CTNNA3: variants seen among roughly 807,000 people sequenced by gnomAD.
CTNNA3 encodes catenin alpha 3, also known as catenin alpha-3.
CTNNA3 carries 76 observed loss-of-function variants against 95.7 expected under a neutral mutation model. That is an observed-to-expected ratio of 0.79 (90% CI 0.66 to 0.96). The LOEUF is 0.96. Among genes scored for constraint, CTNNA3 ranks in the 40% least tolerant of loss-of-function variants. The pLI is 0.00. For missense variants in CTNNA3, 1,191 were observed against 1,089.8 expected, an observed-to-expected ratio of 1.09 and a Z score of -1.31; for synonymous variants, 431 against 374.4, an observed-to-expected ratio of 1.15 and a Z score of -1.74.
At chr10:66,741,554 T>C (rs1234869478) in intron 9 of CTNNA3, among the ~76,000 whole-genome samples, 2 of 152,262 alleles carry the variant, frequency 1.3e-5, no homozygotes, top group East Asian at 3.9e-4. Context: ...GATAAACTAA[T>C]ACAATTCACT....
chr10:67,753,509 A>G lies in CTNNA3; in HGVS notation c.-2+9925T>C, dbSNP rs544753473. ...GAGCTTCTGCACAGCAAAAGAAACT[A>G]TCATCACAGTGAACAGACAACCTAT... is the stretch of plus-strand genomic sequence containing the variant. On this transcript the variant is annotated intron_variant, in intron 1 of 17. Transcript: ENST00000684154. 6.6e-5 allele frequency among the ~76,000 whole-genome samples: 10 copies of G among 152,334 alleles called. No homozygotes were observed. The South Asian group carries it at 1.9e-3, about 28-fold the overall frequency.
chr10:66,738,265 T>A (rs1849212571), intron 9 of CTNNA3, among the ~76,000 whole-genome samples: 1 of 152,242 alleles, frequency 6.6e-6, no homozygotes, highest in Non-Finnish European at 1.5e-5. Context: ...TTGATTGATC[T>A]GCATTCTTAA....
intron 11 of CTNNA3, among the ~76,000 whole-genome samples, chr10:66,457,133 C>T (rs2093500007): frequency 6.6e-6 from 1 of 152,058 alleles, no homozygotes; most frequent in Non-Finnish European, 1.5e-5. Flanking sequence ...AAAACCTTTA[C>T]AACTTGGTGT....
At chr10:66,477,950 C>A (rs1364652921) in intron 11 of CTNNA3, among the ~76,000 whole-genome samples, 1 of 152,050 alleles carries the variant, frequency 6.6e-6, no homozygotes, top group African/African-American at 2.4e-5. Context: ...TGAATGCCTT[C>A]AAGACTTGTG....
chr10:66,329,513 C>T (rs1333852856), intron 12 of CTNNA3, among the ~76,000 whole-genome samples: 2 of 151,690 alleles, frequency 1.3e-5, no homozygotes, highest in African/African-American at 4.8e-5. Context: ...TAACATGCGG[C>T]ACTGCCTGGT....
At chr10:66,768,881 A>G (rs1000750360) in intron 8 of CTNNA3, among the ~76,000 whole-genome samples, 3 of 152,216 alleles carry the variant, frequency 2.0e-5, no homozygotes, top group East Asian at 3.9e-4. Context: ...GGTTATTGAT[A>G]AACTTGGTAA....
intron 13 of CTNNA3, among the ~76,000 whole-genome samples, chr10:66,262,068 C>A (rs1388534476): frequency 6.6e-6 from 1 of 151,882 alleles, no homozygotes; most frequent in Non-Finnish European, 1.5e-5. Context: ...GCAAAAAAAA[C>A]CTATTATGGT....
At chr10:67,348,098 C>T (rs555645016) in intron 5 of CTNNA3, among the ~76,000 whole-genome samples, 46 of 152,210 alleles carry the variant, frequency 3.0e-4, no homozygotes, top group African/African-American at 9.9e-4. Context: ...AACTCATATC[C>T]ATATGCAAAA....
intron 7 of CTNNA3, among the ~76,000 whole-genome samples, chr10:67,062,494 A>G (rs902126982): frequency 6.6e-6 from 1 of 152,088 alleles, no homozygotes; most frequent in African/African-American, 2.4e-5. Flanking sequence ...ATATTTCTCT[A>G]GCCATTCTTT....
chr10:67,476,630 G>T (rs1405267221), intron 5 of CTNNA3, among the ~76,000 whole-genome samples: 1 of 150,146 alleles, frequency 6.7e-6, no homozygotes, highest in Non-Finnish European at 1.5e-5. Context: ...AGAGATCGTA[G>T]TGCATCTGAG....
At chr10:67,440,099 A>G (rs952652846) in intron 5 of CTNNA3, among the ~76,000 whole-genome samples, 1 of 152,170 alleles carries the variant, frequency 6.6e-6, no homozygotes, top group African/African-American at 2.4e-5. Context: ...GCCAGAAGGG[A>G]GCCCACATCC....
intron 12 of CTNNA3, among the ~76,000 whole-genome samples, chr10:66,288,044 A>G (rs1023295084): frequency 6.6e-6 from 1 of 152,160 alleles, no homozygotes; most frequent in Non-Finnish European, 1.5e-5. Context: ...GATGAACCCC[A>G]TGGGACTGGA....
At chr10:66,725,090 T>A (rs1006360476) in intron 9 of CTNNA3, among the ~76,000 whole-genome samples, 1 of 152,156 alleles carries the variant, frequency 6.6e-6, no homozygotes, top group Admixed American at 6.6e-5. Flanking sequence ...GTATGTGTTA[T>A]GCAAAATAGT....
At chr10:66,105,697 T>C (rs1464952982) in intron 13 of CTNNA3, among the ~76,000 whole-genome samples, 1 of 152,246 alleles carries the variant, frequency 6.6e-6, no homozygotes, top group Non-Finnish European at 1.5e-5. Context: ...ACAGGATTAA[T>C]AGTTTTCTTG....
intron 7 of CTNNA3, chr10:67,099,592 T>C (rs1858217553): frequency 6.6e-6 from 1 of 152,206 alleles, no homozygotes; most frequent in South Asian, 2.1e-4. Flanking sequence ...AAGAATGAAC[T>C]TAAAAACTGT....
At chr10:67,067,191 G>C (rs994259937) in intron 7 of CTNNA3, among the ~76,000 whole-genome samples, 1 of 152,092 alleles carries the variant, frequency 6.6e-6, no homozygotes, top group Admixed American at 6.6e-5. Context: ...AAACTATATG[G>C]AGAAATATAC....
rs1486693037 is a variant in CTNNA3, at chr10:66,872,643, T to C, written c.1048-97119A>G. 2.0e-5 allele frequency among the ~76,000 whole-genome samples: 3 copies of C among 151,902 alleles called. No homozygotes were observed. In the East Asian group the frequency reaches 5.8e-4, roughly 29 times the overall value. Reference sequence around the variant, plus strand: ...GAGATTGTGCCACTGCACTCTAGCCTGGGTGACAGAACGAGACCCCGTCTC... The same window carrying C: ...GAGATTGTGCCACTGCACTCTAGCCCGGGTGACAGAACGAGACCCCGTCTC... On this transcript the variant is annotated intron_variant, in intron 7 of 17. Transcript: ENST00000433211.
At chr10:66,628,786 T>C (rs1845029442) in intron 9 of CTNNA3, among the ~76,000 whole-genome samples, 1 of 152,016 alleles carries the variant, frequency 6.6e-6, no homozygotes, top group Non-Finnish European at 1.5e-5. Context: ...TTCAGGTTGG[T>C]AGGAGATAGC....
At chr10:67,523,020 T>G (rs1267973700) in intron 4 of CTNNA3, among the ~76,000 whole-genome samples, 4 of 152,122 alleles carry the variant, frequency 2.6e-5, no homozygotes. Flanking sequence ...TATAATTAAG[T>G]TTCCAGGGAA....
Sources: gnomAD v4.1 joint callset for allele counts (sites outside exome capture counted in the v4.1 genomes callset) on GRCh38, gnomAD v4.1.1 for gene constraint, MANE v1.5 for transcripts, NCBI Gene and HGNC (gene_info 2026-07-23, HGNC 2026-07-21) for gene names.